OLA1: variants seen among roughly 807,000 people sequenced by gnomAD.
The protein encoded by OLA1 is Obg like ATPase 1.
In OLA1, 14 loss-of-function variants were observed where a neutral mutation model predicts 48.4. The ratio of observed to expected loss-of-function variants is 0.29; its 90% confidence interval spans 0.19 to 0.45. The LOEUF is 0.45. OLA1 is among the 20% of genes least tolerant of loss of function. The probability of loss-of-function intolerance (pLI) is 1.00; values close to 1 mark genes in which losing one functional copy is unlikely to be tolerated. For synonymous variants in OLA1, 127 were observed against 150.4 expected (o/e 0.84, Z 1.14); for missense variants, 325 against 467.1 (o/e 0.70, Z 2.80).
At chr2:174,247,987 G>A (rs1040114226) in intron 1 of OLA1, 13 of 535,884 alleles carry the variant, frequency 2.4e-5, no homozygotes, top group Admixed American at 6.5e-5. Context: ...CTAGGACCAC[G>A]CTGGGGCCCT....
intron 7 of OLA1, among the ~76,000 whole-genome samples, chr2:174,085,122 T>C (rs1684939658): frequency 6.6e-6 from 1 of 152,198 alleles, no homozygotes; most frequent in Non-Finnish European, 1.5e-5. Context: ...TGCCATTAGT[T>C]GTATTTTTCT....
chr2:174,149,987 T>C (rs1574510939), intron 4 of OLA1, among the ~76,000 whole-genome samples: 1 of 152,176 alleles, frequency 6.6e-6, no homozygotes, highest in Non-Finnish European at 1.5e-5. Context: ...TAGATAGACA[T>C]AGAAATACAT....
chr2:174,139,364 G>T (rs1404561129), intron 5 of OLA1, among the ~76,000 whole-genome samples: 2 of 152,168 alleles, frequency 1.3e-5, no homozygotes, highest in Non-Finnish European at 2.9e-5. Flanking sequence ...AGAGAGCATG[G>T]CCCTGCCAAC....
intron 4 of OLA1, among the ~76,000 whole-genome samples, chr2:174,209,403 A>C (rs1247569813): frequency 2.6e-5 from 4 of 152,136 alleles, no homozygotes; most frequent in African/African-American, 9.7e-5. Context: ...GCTGTTTTTC[A>C]TATCCCAAGT....
intron 2 of OLA1, among the ~76,000 whole-genome samples, chr2:174,236,305 A>T (rs1688850518): frequency 6.6e-6 from 1 of 152,154 alleles, no homozygotes; most frequent in Non-Finnish European, 1.5e-5. Context: ...TATAAAAGCT[A>T]ATATAAAGAC....
intron 4 of OLA1, among the ~76,000 whole-genome samples, chr2:174,150,078 T>C (rs1046615138): frequency 6.6e-6 from 1 of 152,208 alleles, no homozygotes; most frequent in Admixed American, 6.5e-5. Context: ...ATAGTTTCAA[T>C]GTGTTCCGCG....
chr2:174,213,397 A>G (rs1574555287), intron 4 of OLA1, among the ~76,000 whole-genome samples: 1 of 152,194 alleles, frequency 6.6e-6, no homozygotes, highest in African/African-American at 2.4e-5. Context: ...AATAACACAC[A>G]AATGTCTTAG....
chr2:174,217,283 C>T (rs957502291), intron 4 of OLA1, among the ~76,000 whole-genome samples: 5 of 151,898 alleles, frequency 3.3e-5, no homozygotes, highest in Non-Finnish European at 4.4e-5. Context: ...AGGCTGCTCT[C>T]GCACTCCTGG....
intron 7 of OLA1, among the ~76,000 whole-genome samples, chr2:174,089,317 C>G (rs1039451225): frequency 6.6e-6 from 1 of 152,196 alleles, no homozygotes; most frequent in Non-Finnish European, 1.5e-5. Context: ...AAGCACTGAA[C>G]TAAAGGACTT....
rs140047706 is a variant in OLA1, at chr2:174,111,871, C to T, written c.728+11309G>A. The stretch of plus-strand genomic sequence containing the variant: ...AAAGTAGTTTTCTTGAGAAAAGTAG[C>T]AATAATATGTATTTTCAATATAAAA... On this transcript the variant is annotated intron_variant, in intron 7 of 10. Coordinates refer to ENST00000284719, the MANE Select transcript of OLA1 (RefSeq NM_013341.5). 2.0e-5 allele frequency among the ~76,000 whole-genome samples: 3 copies of T among 152,096 alleles called. No individual in the cohort carries two copies. The South Asian group carries it at 6.2e-4, about 32-fold the overall frequency.
chr2:174,205,686 G>T (rs1029892120), intron 4 of OLA1, among the ~76,000 whole-genome samples: 2 of 152,176 alleles, frequency 1.3e-5, no homozygotes, highest in African/African-American at 2.4e-5. Flanking sequence ...GGACAGTCAG[G>T]TAATGTTCCT....
At chr2:174,092,968 G>A (rs985828020) in intron 7 of OLA1, among the ~76,000 whole-genome samples, 23 of 152,202 alleles carry the variant, frequency 1.5e-4, no homozygotes, top group Admixed American at 1.5e-3. Context: ...GGTTCACTGT[G>A]AATGTACAAA....
chr2:174,217,285 C>T (rs12328270), intron 4 of OLA1, among the ~76,000 whole-genome samples: 18,472 of 151,780 alleles, frequency 0.12, 1,769 homozygotes, highest in African/African-American at 0.26. Flanking sequence ...GCTGCTCTCG[C>T]ACTCCTGGGC....
At chr2:174,105,630 C>T (rs551254611) in intron 7 of OLA1, among the ~76,000 whole-genome samples, 23 of 151,920 alleles carry the variant, frequency 1.5e-4, no homozygotes, top group Non-Finnish European at 3.1e-4. Context: ...ACCCTAACTG[C>T]TATCAGAAGA....
At chr2:174,148,990 C>A (rs1041532454) in intron 4 of OLA1, among the ~76,000 whole-genome samples, 6 of 152,196 alleles carry the variant, frequency 3.9e-5, no homozygotes, top group Non-Finnish European at 7.4e-5. Flanking sequence ...TTAAATCAAT[C>A]ATGTCATTCA....
At chr2:174,113,265 T>C (rs913249878) in intron 7 of OLA1, among the ~76,000 whole-genome samples, 4 of 152,150 alleles carry the variant, frequency 2.6e-5, no homozygotes, top group East Asian at 1.9e-4. Context: ...TTTTAACAAA[T>C]TATGGTTTGC....
intron 7 of OLA1, among the ~76,000 whole-genome samples, chr2:174,086,621 C>T (rs1405386172): frequency 6.6e-6 from 1 of 152,102 alleles, no homozygotes; most frequent in Admixed American, 6.5e-5. Flanking sequence ...TTAAGGGACG[C>T]TTGAACACAA....
intron 4 of OLA1, among the ~76,000 whole-genome samples, chr2:174,176,572 G>T (rs1483381469): frequency 6.6e-6 from 1 of 152,072 alleles, no homozygotes; most frequent in Non-Finnish European, 1.5e-5. Flanking sequence ...GATTTTCCTA[G>T]ACTCATTCTC....
intron 7 of OLA1, among the ~76,000 whole-genome samples, chr2:174,101,397 T>C (rs1033948575): frequency 2.0e-5 from 3 of 152,254 alleles, no homozygotes; most frequent in Non-Finnish European, 4.4e-5. Flanking sequence ...TTTAAAAATA[T>C]ACATTCTGAA....
Sources: gnomAD v4.1 joint callset for allele counts (sites outside exome capture counted in the v4.1 genomes callset) on GRCh38, gnomAD v4.1.1 for gene constraint, MANE v1.5 for transcripts, NCBI Gene and HGNC (gene_info 2026-07-23, HGNC 2026-07-21) for gene names.